PRSS23: variants seen among roughly 807,000 people sequenced by gnomAD.
The protein encoded by PRSS23 is serine protease 23.
PRSS23 carries 25 observed loss-of-function variants against 34.7 expected under a neutral mutation model. The ratio of observed to expected loss-of-function variants is 0.72; its 90% confidence interval spans 0.53 to 1.01. The LOEUF (loss-of-function observed/expected upper bound fraction) is 1.01, where lower values mean the gene tolerates loss of function less well. Among genes scored for constraint, PRSS23 ranks in the 50% least tolerant of loss-of-function variants. PRSS23 has a pLI of 0.00. For missense variants in PRSS23, 445 were observed against 475.6 expected, an observed-to-expected ratio of 0.94 and a Z score of 0.60; for synonymous variants, 176 against 186.6, an observed-to-expected ratio of 0.94 and a Z score of 0.46.
intron 2 of PRSS23, among the ~76,000 whole-genome samples, chr11:86,920,115 G>C (rs1364936787): frequency 1.3e-5 from 2 of 152,208 alleles, no homozygotes; most frequent in Non-Finnish European, 2.9e-5. Context: ...CAGTCCCAGA[G>C]AGGGACCTGG....
chr11:86,948,392 T>C (rs1949261930), intron 2 of PRSS23: 1 of 152,060 alleles, frequency 6.6e-6, no homozygotes, highest in South Asian at 2.1e-4. Context: ...ATAAAATAAC[T>C]GATTTTTTTA....
chr11:86,849,569 A>C (rs961930821), intron 2 of PRSS23, among the ~76,000 whole-genome samples: 3 of 152,200 alleles, frequency 2.0e-5, no homozygotes, highest in African/African-American at 4.8e-5. Flanking sequence ...TGAAGCTCAC[A>C]AAGAATTACA....
chr11:86,811,042 C>T lies in PRSS23; in HGVS notation c.*2247C>T, dbSNP rs996032097. On this transcript the variant is annotated 3_prime_UTR_variant, in exon 2 of 2. Coordinates refer to ENST00000280258, the MANE Select transcript of PRSS23 (RefSeq NM_007173.6). ...TCCCAAAGTGTGCTCCTTAAACACTCATGCCTTATGATTTTCTACCAAAAG... is the reference window on the plus strand; with the variant it reads ...TCCCAAAGTGTGCTCCTTAAACACTTATGCCTTATGATTTTCTACCAAAAG... The T allele has an allele frequency of 1.2e-5, 2 of 166,834 alleles. No individual in the cohort carries two copies. The highest frequency in any genetic ancestry group is 4.8e-5 in the African/African-American group (2 of 41,444). 10.3% of individuals were successfully genotyped at this position (166,834 alleles called of 1,614,324 possible). A position where few individuals can be genotyped will look rare whatever the true frequency, so the allele number is the denominator to read the frequency against.
At chr11:86,821,815 A>G (rs1047501195) in intron 1 of PRSS23, 1 of 717,206 alleles carries the variant, frequency 1.4e-6, no homozygotes, top group Non-Finnish European at 2.3e-6. Context: ...CGCCATGACC[A>G]TAGTGTCAGC....
intron 2 of PRSS23, among the ~76,000 whole-genome samples, chr11:86,885,971 TTAA>T (rs763120522): frequency 4.0e-5 from 6 of 150,680 alleles, no homozygotes; most frequent in Non-Finnish European, 7.4e-5. Context: ...TATCTGGTAG[TTAA>T]TGATGATGAT....
chr11:86,796,416 C>A (rs941326378), upstream of PRSS23, among the ~76,000 whole-genome samples: 1 of 151,784 alleles, frequency 6.6e-6, no homozygotes, highest in Non-Finnish European at 1.5e-5. Context: ...CCGAGGCGGG[C>A]GGATCACGAG....
exon 3 of PRSS23, chr11:86,951,264 C>T (rs1245915318): frequency 6.2e-7 from 1 of 1,614,072 alleles, no homozygotes; most frequent in African/African-American, 1.3e-5. Flanking sequence ...AGAGTTTTGG[C>T]AGACCAAATC....
intron 2 of PRSS23, among the ~76,000 whole-genome samples, chr11:86,941,741 C>T (rs1949208570): frequency 6.6e-6 from 1 of 152,202 alleles, no homozygotes; most frequent in African/African-American, 2.4e-5. Flanking sequence ...GTCGATCATT[C>T]CCTAACCTAT....
At chr11:86,822,198 T>G (rs1423682191) in intron 1 of PRSS23, among the ~76,000 whole-genome samples, 1 of 152,126 alleles carries the variant, frequency 6.6e-6, no homozygotes, top group Non-Finnish European at 1.5e-5. Context: ...AAACGTGTCT[T>G]TGTGAAGTTT....
intron 2 of PRSS23, chr11:86,937,142 C>A (rs1368739110): frequency 1.3e-5 from 2 of 152,064 alleles, no homozygotes; most frequent in African/African-American, 4.8e-5. Context: ...TCCTACTGAC[C>A]CAGCAGAGGC....
rs946588164 is a variant in PRSS23 at position 86,878,419 on chromosome 11, C to T, written c.206+54826C>T. 2.6e-5 allele frequency among the ~76,000 whole-genome samples: 4 copies of T among 152,270 alleles called. No homozygotes were observed. In the South Asian group the frequency reaches 6.2e-4, roughly 24 times the overall value. ...CTGCGATTGCAGGCGCGCGCCGCCACGCCTGACTGCTTTTCGTATTTTTTT... is the reference window on the plus strand; with the variant it reads ...CTGCGATTGCAGGCGCGCGCCGCCATGCCTGACTGCTTTTCGTATTTTTTT... On this transcript the variant is annotated intron_variant, in intron 2 of 2. Transcript: ENST00000533902.
At chr11:86,915,937 C>G (rs1949009969) in intron 2 of PRSS23, among the ~76,000 whole-genome samples, 1 of 152,022 alleles carries the variant, frequency 6.6e-6, no homozygotes, top group Non-Finnish European at 1.5e-5. Flanking sequence ...CACCTGTAAT[C>G]CCAGCTACTC....
intron 2 of PRSS23, among the ~76,000 whole-genome samples, chr11:86,915,021 G>A (rs1253078263): frequency 6.6e-6 from 1 of 152,168 alleles, no homozygotes; most frequent in Non-Finnish European, 1.5e-5. Flanking sequence ...TGCCTTTCTG[G>A]GAACAGCTGA....
downstream of PRSS23, among the ~76,000 whole-genome samples, chr11:86,811,842 G>A (rs555283624): frequency 3.6e-4 from 55 of 152,254 alleles, no homozygotes; most frequent in African/African-American, 1.3e-3. Context: ...ATGACTCTAG[G>A]CTGCTGTCTG....
intron 2 of PRSS23, among the ~76,000 whole-genome samples, chr11:86,918,782 G>A (rs759703847): frequency 6.6e-6 from 1 of 152,214 alleles, no homozygotes; most frequent in Non-Finnish European, 1.5e-5. Context: ...GACTACAGAT[G>A]TCTTTTATTT....
At chr11:86,857,690 A>T in intron 2 of PRSS23, 1 of 597,858 alleles carries the variant, frequency 1.7e-6, no homozygotes, top group South Asian at 1.4e-5. Context: ...TCTTCTATAC[A>T]TGCAAAAAGG....
intron 2 of PRSS23, among the ~76,000 whole-genome samples, chr11:86,903,593 C>T (rs113867698): frequency 4.6e-5 from 7 of 151,238 alleles, no homozygotes; most frequent in African/African-American, 1.7e-4. Flanking sequence ...TGCCATTCTC[C>T]TGCCTCAGCC....
intron 2 of PRSS23, among the ~76,000 whole-genome samples, chr11:86,877,182 C>G (rs1948730559): frequency 6.6e-6 from 1 of 152,178 alleles, no homozygotes; most frequent in Non-Finnish European, 1.5e-5. Context: ...TATCTGTGTT[C>G]AGGTCTGTCT....
At chr11:86,857,922 G>A in intron 2 of PRSS23, 3 of 471,376 alleles carry the variant, frequency 6.4e-6, no homozygotes, top group Non-Finnish European at 1.3e-5. Context: ...ACATGGACAG[G>A]GAGAGCCCAG....
Sources: allele counts gnomAD v4.1 joint callset (sites outside exome capture counted in the v4.1 genomes callset), GRCh38; gene constraint gnomAD v4.1.1; transcripts MANE v1.5; gene names NCBI Gene and HGNC (gene_info 2026-07-23, HGNC 2026-07-21).